RELN: variants seen among roughly 807,000 people sequenced by gnomAD.
The protein encoded by RELN is reelin.
RELN carries 108 observed loss-of-function variants against 427.6 expected under a neutral mutation model. The ratio of observed to expected loss-of-function variants is 0.25; its 90% CI spans 0.22 to 0.30. The LOEUF is 0.30. Ranked by LOEUF, RELN falls within the 10% of genes least tolerant of loss-of-function variation. The pLI is 1.00. For missense variants in RELN, 3,715 were observed against 4,302.8 expected, an observed-to-expected ratio of 0.86 and a Z score of 3.82; for synonymous variants, 1,524 against 1,513.4, an observed-to-expected ratio of 1.01 and a Z score of -0.16.
chr7:103,487,234 A>C (rs140570446), intron 60 of RELN, among the ~76,000 whole-genome samples: 4,987 of 152,124 alleles, frequency 0.033, 114 homozygotes, highest in African/African-American at 0.068. Context: ...AGGCAGGGGA[A>C]CATCACACAC....
chr7:103,635,991 T>A (rs1832571506), intron 18 of RELN, among the ~76,000 whole-genome samples: 1 of 152,154 alleles, frequency 6.6e-6, no homozygotes, highest in Non-Finnish European at 1.5e-5. Context: ...AAGAACATAG[T>A]TTTGATGCTA....
chr7:103,975,446 C>A (rs1051895838), intron 1 of RELN, among the ~76,000 whole-genome samples: 2 of 152,138 alleles, frequency 1.3e-5, no homozygotes, highest in Non-Finnish European at 2.9e-5. Flanking sequence ...AAAATACAGA[C>A]AGGACGATAA....
chr7:103,800,470 G>C (rs1291167952), intron 3 of RELN, among the ~76,000 whole-genome samples: 2 of 152,170 alleles, frequency 1.3e-5, no homozygotes, highest in African/African-American at 4.8e-5. Flanking sequence ...ACAAAAACAA[G>C]ATATGGGGAA....
chr7:103,778,078 C>G (rs1791791048), intron 3 of RELN, among the ~76,000 whole-genome samples: 1 of 152,176 alleles, frequency 6.6e-6, no homozygotes, highest in Non-Finnish European at 1.5e-5. Flanking sequence ...ACAGATGCTA[C>G]TATTCTTTTT....
At chr7:103,847,921 C>G (rs983676112) in intron 2 of RELN, among the ~76,000 whole-genome samples, 1 of 151,942 alleles carries the variant, frequency 6.6e-6, no homozygotes, top group Non-Finnish European at 1.5e-5. Context: ...GGACAGGTAG[C>G]CAGCATGTTG....
At chr7:103,505,948 A>G (rs542308237) in intron 51 of RELN, among the ~76,000 whole-genome samples, 2 of 152,372 alleles carry the variant, frequency 1.3e-5, no homozygotes, top group South Asian at 4.1e-4. Context: ...AAGCATACAC[A>G]AGTATCAATA....
chr7:103,595,581 A>C (rs1390198357), intron 25 of RELN, among the ~76,000 whole-genome samples: 1 of 152,186 alleles, frequency 6.6e-6, no homozygotes, highest in Non-Finnish European at 1.5e-5. Flanking sequence ...TTCAGTCTGT[A>C]AGAACTGGGT....
chr7:103,717,472 A>T (rs1287706843), intron 8 of RELN, among the ~76,000 whole-genome samples: 2 of 144,950 alleles, frequency 1.4e-5, no homozygotes, highest in East Asian at 3.9e-4. Flanking sequence ...GGTATTCCAT[A>T]TATAAAACAA....
chr7:103,552,446 A>C (rs942983277), intron 40 of RELN, among the ~76,000 whole-genome samples: 21 of 152,122 alleles, frequency 1.4e-4, no homozygotes, highest in Middle Eastern at 3.4e-3. Flanking sequence ...TCTGATGAGT[A>C]AACTATTGAC....
In RELN at chr7:103,681,917, A is replaced by C. The variant is rs374394043; in HGVS notation, c.1289+199T>G. Among the ~76,000 whole-genome samples, 8 of 152,334 alleles carry C rather than the reference A, an allele frequency of 5.3e-5. No individual in the cohort carries two copies. The South Asian group carries it at 1.2e-3, about 24-fold the overall frequency. On this transcript the variant is annotated intron_variant, in intron 11 of 64. Transcript: ENST00000428762. ...GAACTTAAAAGCATTTGCAATCACA[A>C]ATTTTTAATATGCAAAAAATAGTTA...
At chr7:103,551,033 G>A in intron 41 of RELN, 34 bp downstream of exon 41, 1 of 1,555,880 alleles carries the variant, frequency 6.4e-7, no homozygotes, top group Non-Finnish European at 8.8e-7. Flanking sequence ...TGTCAAAGGA[G>A]AAACAAATGT....
At chr7:103,550,987 T>C (rs560556896) in intron 41 of RELN, 80 bp downstream of exon 41, 9 of 1,171,060 alleles carry the variant, frequency 7.7e-6, no homozygotes, top group African/African-American at 6.0e-5. Flanking sequence ...TTCCCCATGA[T>C]AAAGTGGCAA....
intron 42 of RELN, 43 bp from the exon 43 acceptor site, chr7:103,542,921 T>G (rs1390451039): frequency 6.3e-7 from 1 of 1,587,046 alleles, no homozygotes; most frequent in Non-Finnish European, 8.6e-7. Context: ...ACCCCAACTA[T>G]AGTGAGTTGT....
At chr7:103,556,868 G>T in intron 38 of RELN, 109 bp downstream of exon 38, 2 of 896,832 alleles carry the variant, frequency 2.2e-6, no homozygotes, top group South Asian at 2.6e-5. Flanking sequence ...TGTGTGTGCT[G>T]TGGACAGCTA....
intron 17 of RELN, among the ~76,000 whole-genome samples, chr7:103,639,514 C>T (rs545319049): frequency 1.1e-3 from 172 of 151,742 alleles, no homozygotes; most frequent in African/African-American, 4.0e-3. Flanking sequence ...ATTCTCCTGC[C>T]TCAGCCTCCC....
chr7:103,598,665 A>C (rs1398360476), intron 24 of RELN, among the ~76,000 whole-genome samples: 1 of 152,224 alleles, frequency 6.6e-6, no homozygotes, highest in Non-Finnish European at 1.5e-5. Flanking sequence ...GTTTTGTGAG[A>C]TTTTTGTAAA....
chr7:103,618,905 G>A (rs1054319035), intron 20 of RELN, among the ~76,000 whole-genome samples: 1 of 152,118 alleles, frequency 6.6e-6, no homozygotes. Flanking sequence ...GAGGTCAGGA[G>A]ATCGAAACCA....
At chr7:103,907,413 T>TG (rs370756904) in intron 2 of RELN, among the ~76,000 whole-genome samples, 1 of 20,556 alleles carries the variant, frequency 4.9e-5, no homozygotes, top group Admixed American at 5.8e-4. Context: ...ATCAAGGCTC[T>TG]GGAAAAAAAA....
chr7:103,502,327 CTCTT>C (rs558145824), intron 52 of RELN, among the ~76,000 whole-genome samples: 46 of 152,328 alleles, frequency 3.0e-4, no homozygotes, highest in Middle Eastern at 3.4e-3. Context: ...TATTCAAAGA[CTCTT>C]TATGTTTCAC....
Sources: gnomAD v4.1 joint callset for allele counts (sites outside exome capture counted in the v4.1 genomes callset) on GRCh38, gnomAD v4.1.1 for gene constraint, MANE v1.5 for transcripts, NCBI Gene and HGNC (gene_info 2026-07-23, HGNC 2026-07-21) for gene names.